The following ANK2 variants were observed in gnomAD, a reference collection of about 807,000 sequenced individuals.
ANK2 encodes ankyrin-2.
Under a neutral mutation model 360.5 loss-of-function variants are expected in ANK2, and 83 were observed. The observed-to-expected ratio is 0.23, with a 90% CI of 0.19 to 0.28. The LOEUF is 0.28. Among genes scored for constraint, ANK2 ranks in the 10% least tolerant of loss-of-function variants. The probability of loss-of-function intolerance (pLI) is 1.00; values close to 1 mark genes in which losing one functional copy is unlikely to be tolerated. For missense variants in ANK2, 4,201 were observed against 4,795.7 expected (o/e 0.88, Z 3.66); for synonymous variants, 1,740 against 1,759.5 (o/e 0.99, Z 0.28).
chr4:112,983,842 CT>C (rs1263650068), intron 2 of ANK2, among the ~76,000 whole-genome samples: 2 of 152,142 alleles, frequency 1.3e-5, no homozygotes, highest in African/African-American at 2.4e-5. Flanking sequence ...TTTTCCTTCT[CT>C]TCATTGCACT....
chr4:113,288,018 C>T (rs1057423059), intron 19 of ANK2, among the ~76,000 whole-genome samples: 7 of 152,162 alleles, frequency 4.6e-5, no homozygotes, highest in African/African-American at 1.7e-4. Context: ...TTGCTCATCT[C>T]CATGCCCTTG....
chr4:112,813,551 A>ATTTT (rs56052814), upstream of ANK2, among the ~76,000 whole-genome samples: 32,769 of 142,722 alleles, frequency 0.23, 7,323 homozygotes, highest in Middle Eastern at 0.35. Flanking sequence ...TTATTTATTT[A>ATTTT]TTGAGACAGG....
chr4:113,003,023 A>T (rs192587503), intron 2 of ANK2, among the ~76,000 whole-genome samples: 3 of 152,208 alleles, frequency 2.0e-5, no homozygotes, highest in African/African-American at 7.2e-5. Context: ...GTTCACTCCC[A>T]CAGCCTGTTT....
chr4:112,815,012 CT>C (rs66513268), upstream of ANK2, among the ~76,000 whole-genome samples: 15,778 of 145,276 alleles, frequency 0.11, 1,214 homozygotes, highest in African/African-American at 0.23. Context: ...CAAAAAGACA[CT>C]TTTTTTTTTT....
chr4:112,908,754 C>T (rs1401408384), intron 2 of ANK2, among the ~76,000 whole-genome samples: 1 of 152,204 alleles, frequency 6.6e-6, no homozygotes, highest in Non-Finnish European at 1.5e-5. Context: ...GTTTTCCTGA[C>T]TTTGTAAGTC....
At position 113,174,461 on chromosome 4, in the gene ANK2, C is replaced by G. The variant is rs145272651; in HGVS notation, c.130C>G (p.Leu44Val). The G allele has an allele frequency of 6.7e-5, 108 of 1,613,294 alleles. No individual in the cohort carries two copies. The African/African-American group carries it at 1.3e-3, about 20-fold the overall frequency. Residue 44 changes from leucine to valine, a missense_variant, in exon 2 of 46, where the codon CTG becomes GTG. Transcript: ENST00000357077. ...CCTCCGTGCTGCCAGAGCAGGCAAC[C>G]TGGACAAAGTTGTGGAATATCTGAA... The part of the protein sequence containing the change: ...SFLRAARAGN[L>V]DKVVEYLKGG...
At chr4:113,070,096 C>T (rs974982178) in intron 1 of ANK2, 17 of 152,112 alleles carry the variant, frequency 1.1e-4, no homozygotes, top group Admixed American at 6.6e-5. Context: ...TATATTGTTC[C>T]TGATCCTGCG....
chr4:112,882,990 T>A (rs899580098), intron 1 of ANK2, among the ~76,000 whole-genome samples: 5 of 143,744 alleles, frequency 3.5e-5, no homozygotes, highest in Non-Finnish European at 6.1e-5. Flanking sequence ...GTGTGGCTAC[T>A]GGACACTTTC....
intron 1 of ANK2, among the ~76,000 whole-genome samples, chr4:113,081,027 T>A (rs759055514): frequency 6.6e-6 from 1 of 152,120 alleles, no homozygotes; most frequent in Non-Finnish European, 1.5e-5. Flanking sequence ...AAATGAAAAA[T>A]TATTTTCAAG....
chr4:113,014,138 A>G (rs2055717444), intron 2 of ANK2, among the ~76,000 whole-genome samples: 1 of 152,162 alleles, frequency 6.6e-6, no homozygotes, highest in Admixed American at 6.5e-5. Context: ...GTTGCATGTT[A>G]TTTTATGGAG....
At chr4:112,805,438 T>C in the ANK2 span, among the ~76,000 whole-genome samples, 91,080 of 151,922 alleles carry the variant, frequency 0.6, 28,639 homozygotes, top group East Asian at 0.88. Context: ...GATCATTTTT[T>C]GTGCTCGCTA....
chr4:113,352,471 A>G (rs556795379), intron 37 of ANK2, among the ~76,000 whole-genome samples: 8 of 152,298 alleles, frequency 5.3e-5, no homozygotes, highest in Non-Finnish European at 8.8e-5. Flanking sequence ...TATTTTATAT[A>G]GTCTTTGTAT....
At chr4:113,280,228 C>T (rs2061764341) in intron 17 of ANK2, among the ~76,000 whole-genome samples, 1 of 152,186 alleles carries the variant, frequency 6.6e-6, no homozygotes, top group South Asian at 2.1e-4. Flanking sequence ...CGTGTGTTCT[C>T]TTTCCACAAG....
chr4:113,059,562 C>G (rs1470346030), intron 1 of ANK2, among the ~76,000 whole-genome samples: 1 of 152,006 alleles, frequency 6.6e-6, no homozygotes, highest in Non-Finnish European at 1.5e-5. Context: ...ATGGTTCATA[C>G]GGCATTCTTA....
At chr4:113,163,869 A>T (rs1477981951) in intron 1 of ANK2, among the ~76,000 whole-genome samples, 2 of 150,392 alleles carry the variant, frequency 1.3e-5, no homozygotes, top group Non-Finnish European at 3.0e-5. Flanking sequence ...AATGGTTTTT[A>T]GTATGTTCAC....
intron 4 of ANK2, among the ~76,000 whole-genome samples, chr4:113,230,511 T>A (rs890062449): frequency 6.6e-6 from 1 of 150,472 alleles, no homozygotes. Flanking sequence ...CGAGACTCCA[T>A]CTCAAAAAAA....
chr4:112,740,401 C>A, the ANK2 span, among the ~76,000 whole-genome samples: 1 of 151,910 alleles, frequency 6.6e-6, no homozygotes, highest in Admixed American at 6.6e-5. Context: ...CCATGCCTGG[C>A]TAACTTAAAA....
At chr4:113,131,695 C>T (rs2096046389) in intron 1 of ANK2, among the ~76,000 whole-genome samples, 1 of 152,186 alleles carries the variant, frequency 6.6e-6, no homozygotes, top group East Asian at 1.9e-4. Context: ...TGAAACAGAA[C>T]ACCAAAGGCA....
chr4:113,145,228 A>G (rs2096784731), intron 1 of ANK2, among the ~76,000 whole-genome samples: 2 of 152,216 alleles, frequency 1.3e-5, no homozygotes, highest in South Asian at 2.1e-4. Context: ...TGAATATTAC[A>G]TGTTAAAAGA....
Sources: gnomAD v4.1 joint callset for allele counts (sites outside exome capture counted in the v4.1 genomes callset) on GRCh38, gnomAD v4.1.1 for gene constraint, MANE v1.5 for transcripts, NCBI Gene and HGNC (gene_info 2026-07-23, HGNC 2026-07-21) for gene names.